ZNF732: variants seen among roughly 807,000 people sequenced by gnomAD.
ZNF732 encodes the protein zinc finger protein 732.
Under a neutral mutation model 11.5 loss-of-function variants are expected in ZNF732, and 12 were observed. The ratio of observed to expected loss-of-function variants is 1.05; its 90% CI spans 0.67 to 1.70. The LOEUF (loss-of-function observed/expected upper bound fraction) is 1.70. Among genes scored for constraint, ZNF732 ranks in the 40% most tolerant of loss-of-function variants. The probability of loss-of-function intolerance (pLI) is 0.00; values close to 1 mark genes in which losing one functional copy is unlikely to be tolerated. For synonymous variants in ZNF732, 231 were observed against 236.5 expected (o/e 0.98, Z 0.21); for missense variants, 702 against 676.9 (o/e 1.04, Z -0.41).
At chr4:296,238 G>T in intron 1 of ZNF732, 83 bp from the exon 2 acceptor site, 1 of 1,522,548 alleles carries the variant, frequency 6.6e-7, no homozygotes, top group South Asian at 1.2e-5. Context: ...TCTGACATGT[G>T]ACTGACTGAG....
intron 3 of ZNF732, among the ~76,000 whole-genome samples, chr4:284,681 G>C (rs1344083236): frequency 2.6e-5 from 4 of 151,796 alleles, no homozygotes; most frequent in African/African-American, 7.2e-5. Flanking sequence ...GACCAGCCTG[G>C]CCAACATGGT....
intron 1 of ZNF732, among the ~76,000 whole-genome samples, chr4:302,083 T>C (rs1331470137): frequency 3.9e-5 from 6 of 152,056 alleles, no homozygotes; most frequent in Non-Finnish European, 7.4e-5. Flanking sequence ...CGACTGTAGA[T>C]AGAAGGAGAG....
intron 1 of ZNF732, among the ~76,000 whole-genome samples, chr4:297,543 A>G (rs1719978402): frequency 1.3e-5 from 2 of 151,684 alleles, no homozygotes; most frequent in African/African-American, 4.8e-5. Context: ...TAGATCACAA[A>G]GAAACAAAGG....
chr4:274,583 G>A (rs1402305338), intron 3 of ZNF732, among the ~76,000 whole-genome samples: 1 of 151,538 alleles, frequency 6.6e-6, no homozygotes, highest in Non-Finnish European at 1.5e-5. Context: ...TAAGGGGATT[G>A]ACTGCAAAAA....
At chr4:292,105 C>G (rs1719851601) in intron 3 of ZNF732, among the ~76,000 whole-genome samples, 3 of 152,160 alleles carry the variant, frequency 2.0e-5, no homozygotes, top group South Asian at 2.1e-4. Flanking sequence ...AACCTTAGAA[C>G]TCCCGAAGAA....
At chr4:299,416 CACATATAT>C (rs1720042085) in intron 1 of ZNF732, among the ~76,000 whole-genome samples, 1 of 56,234 alleles carries the variant, frequency 1.8e-5, no homozygotes, top group East Asian at 5.9e-4. Context: ...TATATATATA[CACATATAT>C]ACACATATGT....
intron 1 of ZNF732, 81 bp from the exon 2 acceptor site, chr4:296,236 GTGAC>G (rs1271191484): frequency 1.0e-4 from 157 of 1,533,046 alleles, no homozygotes; most frequent in African/African-American, 2.8e-5. Context: ...GTTCTGACAT[GTGAC>G]TGACTGAGAT....
intron 3 of ZNF732, among the ~76,000 whole-genome samples, chr4:288,301 A>G (rs557905470): frequency 6.6e-6 from 1 of 152,334 alleles, no homozygotes; most frequent in East Asian, 1.9e-4. Context: ...TTGATGTTAT[A>G]TGTAAGAAAA....
chr4:292,153 A>G (rs1470381956), intron 3 of ZNF732, among the ~76,000 whole-genome samples: 3 of 152,254 alleles, frequency 2.0e-5, no homozygotes, highest in African/African-American at 7.2e-5. Context: ...GGCTTTGGCA[A>G]TAACTTTTTT....
intron 1 of ZNF732, among the ~76,000 whole-genome samples, chr4:298,940 A>G (rs1182251256): frequency 6.6e-6 from 1 of 152,192 alleles, no homozygotes; most frequent in African/African-American, 2.4e-5. Flanking sequence ...AGCCTCCCAC[A>G]CAACTATATC....
intron 1 of ZNF732, among the ~76,000 whole-genome samples, chr4:304,402 T>C (rs1720182762): frequency 6.6e-6 from 1 of 152,084 alleles, no homozygotes; most frequent in Non-Finnish European, 1.5e-5. Flanking sequence ...ACCAGGCATC[T>C]TTCTCCAGCC....
At chr4:283,537 G>C (rs1454605709) in intron 3 of ZNF732, among the ~76,000 whole-genome samples, 2 of 150,708 alleles carry the variant, frequency 1.3e-5, no homozygotes, top group Admixed American at 1.3e-4. Flanking sequence ...TCATGATATA[G>C]TGATAAGAGG....
At chr4:285,177 T>C (rs1378586744) in intron 3 of ZNF732, among the ~76,000 whole-genome samples, 2 of 151,472 alleles carry the variant, frequency 1.3e-5, no homozygotes, top group African/African-American at 4.9e-5. Context: ...GAAAGAGTGT[T>C]TGTGAGGGAA....
chr4:286,009 G>T lies in ZNF732; in HGVS notation c.226+9429C>A, dbSNP rs535379188. Among the ~76,000 whole-genome samples, 61 of 152,376 alleles carry T rather than the reference G, an allele frequency of 4.0e-4. 1 individual carries two copies. Among genetic ancestry groups the T allele is most frequent in the African/African-American group, 1.5e-3 (61 of 41,594 alleles). On this transcript the variant is annotated intron_variant, in intron 3 of 3. Transcript: ENST00000419098. ...CTATGCTTCTTCCTCAGCAGAGAAAGAAAGTGGGATATGTGTCCACATTTC... is the reference window on the plus strand; with the variant it reads ...CTATGCTTCTTCCTCAGCAGAGAAATAAAGTGGGATATGTGTCCACATTTC...
intron 3 of ZNF732, among the ~76,000 whole-genome samples, chr4:286,968 T>C (rs1457075391): frequency 2.0e-5 from 3 of 152,138 alleles, no homozygotes; most frequent in Admixed American, 1.3e-4. Context: ...CTGGCTAACA[T>C]GGTGAAACCC....
At chr4:288,178 A>T (rs570477683) in intron 3 of ZNF732, among the ~76,000 whole-genome samples, 2 of 152,200 alleles carry the variant, frequency 1.3e-5, no homozygotes, top group African/African-American at 2.4e-5. Flanking sequence ...CATAATTTTT[A>T]ATTTTTTTTG....
chr4:293,298 A>ATG lies in ZNF732; in HGVS notation c.226+2138_226+2139dup, dbSNP rs1190730981. Among the ~76,000 whole-genome samples the ATG allele has an allele frequency of 2.6e-3, 367 of 143,146 alleles. 3 individuals carry two copies. Among genetic ancestry groups the ATG allele is most frequent in the Middle Eastern group, 7.6e-3 (2 of 264 alleles). The allele number at this position is 143,146 out of a possible 152,430, so 93.9% of individuals were successfully genotyped here. A position where few individuals can be genotyped will look rare whatever the true frequency, so the allele number is the denominator to read the frequency against. On this transcript the variant is annotated intron_variant, in intron 3 of 3. Coordinates refer to ENST00000419098, the MANE Select transcript of ZNF732 (RefSeq NM_001137608.3). Reference sequence around the variant, plus strand: ...TATGTATGTGTATATATATATATATATGTGTGTGTGTGTATATATATATAC... The same window carrying ATG: ...TATGTATGTGTATATATATATATATATGTGTGTGTGTGTGTATATATATATAC...
In ZNF732 at chr4:271,314, T is replaced by G. The variant is rs781801615; in HGVS notation, c.1543A>C (p.Thr515Pro). Residue 515 changes from threonine to proline, a missense_variant, in exon 4 of 4, where the codon ACA (threonine) becomes CCA (proline). This residue lies in a region of ZNF732 where 94 missense variants were observed against 87.5 expected (regional missense o/e 1.07). Coordinates refer to ENST00000419098, the MANE Select transcript of ZNF732 (RefSeq NM_001137608.3). ...ATTTTCTTATGTTTACTCAGGTATG[T>G]GGACCATCCAAAGGCTTTGCCACAC... ...EECGKAFGWS[T>P]YLSKHKKIHT... 7.5e-6 allele frequency: 12 copies of G among 1,596,926 alleles called. No individual in the cohort carries two copies. The highest frequency in any genetic ancestry group is 1.7e-4 in the Middle Eastern group (1 of 6,020).
At position 277,636 on chromosome 4, in the gene ZNF732, G is replaced by C. The variant is rs143195640; in HGVS notation, c.227-5006C>G. Among the ~76,000 whole-genome samples, 552 of 151,694 alleles carry C rather than the reference G, an allele frequency of 3.6e-3. 5 individuals carry two copies. The highest frequency in any genetic ancestry group is 0.013 in the African/African-American group (521 of 41,400). ...ATGTTAGTGAGAATGAATAGAAAAG[G>C]AAACACGGTAAAACTGTAAGTTAGT... is the stretch of plus-strand genomic sequence containing the variant. On this transcript the variant is annotated intron_variant, in intron 3 of 3. Coordinates refer to ENST00000419098, the MANE Select transcript of ZNF732 (RefSeq NM_001137608.3).
Sources: allele counts gnomAD v4.1 joint callset (sites outside exome capture counted in the v4.1 genomes callset), GRCh38; gene constraint gnomAD v4.1.1; regional missense constraint gnomAD v4.1.1; transcripts MANE v1.5; gene names NCBI Gene and HGNC (gene_info 2026-07-23, HGNC 2026-07-21).